Variants in PTPN22 observed in about 807,000 individuals in gnomAD.
PTPN22 encodes the protein protein tyrosine phosphatase non-receptor type 22, also known as tyrosine-protein phosphatase non-receptor type 22.
In PTPN22, 85 loss-of-function variants were observed where a neutral mutation model predicts 103.3. That is an observed-to-expected ratio of 0.82 (90% CI 0.69 to 0.99). The LOEUF is 0.99. PTPN22 is among the 50% of genes least tolerant of loss of function. The pLI is 0.00. For synonymous variants in PTPN22, 323 were observed against 310.2 expected (o/e 1.04, Z -0.43); for missense variants, 865 against 936.9 (o/e 0.92, Z 1.00).
intron 13 of PTPN22, among the ~76,000 whole-genome samples, chr1:113,836,250 G>C (rs921591583): frequency 6.6e-6 from 1 of 152,142 alleles, no homozygotes. Flanking sequence ...CTTGTTCATT[G>C]CTTTCCCTCA....
At chr1:113,838,144 G>T (rs375132611) in exon 13 of PTPN22, 18 of 1,614,084 alleles carry the variant, frequency 1.1e-5, no homozygotes, top group Non-Finnish European at 1.3e-5. Flanking sequence ...AAACAAAAGA[G>T]AGCCCAAATC....
Position 113,858,473 on chromosome 1 carries a change from CT to C in PTPN22, c.369+4del. The C allele has an allele frequency of 6.4e-7, 1 of 1,560,252 alleles. No homozygotes were observed. Among genetic ancestry groups the C allele is most frequent in the Non-Finnish European group, 8.8e-7 (1 of 1,138,986 alleles). ...ATAAAGTAACAAAAGCAACACCATA[CT>C]TACAAGGACACTATATTCCCAAATC... On this transcript the variant is annotated splice_donor_region_variant and intron_variant, in intron 4 of 20. Coordinates refer to ENST00000359785, the Ensembl canonical transcript of PTPN22.
At position 113,851,066 on chromosome 1, in the gene PTPN22, G is replaced by A. The variant is rs147766068; in HGVS notation, c.828+961C>T. 2.2e-3 allele frequency among the ~76,000 whole-genome samples: 342 copies of A among 152,304 alleles called. 4 individuals carry two copies. Among genetic ancestry groups the A allele is most frequent in the African/African-American group, 7.9e-3 (327 of 41,568 alleles). ...AGGCAGTGAGAGATTTGGGCTAGGA[G>A]AAGGGAAGAGCATTCCTAATGGAGT... is the stretch of plus-strand genomic sequence containing the variant. On this transcript the variant is annotated intron_variant, in intron 10 of 20. Transcript: ENST00000359785.
intron 1 of PTPN22, among the ~76,000 whole-genome samples, chr1:113,865,593 T>C (rs866246788): frequency 1.3e-5 from 2 of 152,212 alleles, no homozygotes; most frequent in Admixed American, 6.5e-5. Flanking sequence ...AGATGATAAA[T>C]TCATATATTG....
In PTPN22 at chr1:113,838,543, C is replaced by A; in HGVS notation, c.992+1G>T. The A allele has an allele frequency of 2.5e-6, 4 of 1,612,262 alleles. No homozygotes were observed. The highest frequency in any genetic ancestry group is 3.4e-6 in the Non-Finnish European group (4 of 1,179,576). On this transcript the variant is annotated splice_donor_variant, in intron 12 of 20. Coordinates refer to ENST00000359785, the Ensembl canonical transcript of PTPN22. LOFTEE classifies it high-confidence loss of function. Reference sequence around the variant, plus strand: ...ATTTAGATATATAAAATTGTACTCACCTTTTTGGTAAATTAGGAGAATAAG... The same window carrying A: ...ATTTAGATATATAAAATTGTACTCAACTTTTTGGTAAATTAGGAGAATAAG...
chr1:113,846,463 GAAC>G (rs1386149291), intron 11 of PTPN22, among the ~76,000 whole-genome samples: 1 of 152,074 alleles, frequency 6.6e-6, no homozygotes, highest in Non-Finnish European at 1.5e-5. Context: ...AATACATTTA[GAAC>G]AACATCAGTC....
intron 1 of PTPN22, among the ~76,000 whole-genome samples, chr1:113,863,379 C>T (rs979702162): frequency 6.6e-6 from 1 of 152,214 alleles, no homozygotes; most frequent in Admixed American, 6.5e-5. Flanking sequence ...AGGCGTGAGC[C>T]GCTGCGCTCA....
chr1:113,832,691 T>C (rs1486560283), intron 16 of PTPN22, among the ~76,000 whole-genome samples: 2 of 152,244 alleles, frequency 1.3e-5, no homozygotes, highest in Non-Finnish European at 2.9e-5. Flanking sequence ...TACCTGGAAG[T>C]GCCCAATAAA....
intron 15 of PTPN22, among the ~76,000 whole-genome samples, chr1:113,833,955 A>G (rs1178181020): frequency 6.6e-6 from 1 of 152,248 alleles, no homozygotes; most frequent in Non-Finnish European, 1.5e-5. Flanking sequence ...TTCAAGAATC[A>G]GCTCAAATGT....
chr1:113,857,772 A>G (rs766505671), exon 5 of PTPN22: 34 of 1,610,256 alleles, frequency 2.1e-5, no homozygotes, highest in Non-Finnish European at 2.6e-5. Flanking sequence ...TGCCATAACA[A>G]TGATCTGGGG....
At chr1:113,837,516 G>C (rs1429905185) in intron 13 of PTPN22, 74 bp downstream of exon 13, 3 of 1,049,974 alleles carry the variant, frequency 2.9e-6, no homozygotes, top group Non-Finnish European at 4.2e-6. Context: ...AGAGGGAAGA[G>C]GAGAAGAAAC....
In PTPN22 at chr1:113,864,598, A is replaced by C. The variant is rs551498509; in HGVS notation, c.88-5138T>G. The stretch of plus-strand genomic sequence containing the variant: ...CTACTGCACTCCAGCCTAGATGACC[A>C]AGTGAGGCCCTGTCTCAAAAAAAAA... On this transcript the variant is annotated intron_variant, in intron 1 of 20. Transcript: ENST00000359785. 9.5e-5 allele frequency among the ~76,000 whole-genome samples: 14 copies of C among 146,800 alleles called. No individual in the cohort carries two copies. The South Asian group carries it at 1.1e-3, about 12-fold the overall frequency.
At chr1:113,838,776 C>T (rs56105052) in intron 11 of PTPN22, among the ~76,000 whole-genome samples, 156 bp from the exon 12 acceptor site, 2 of 152,070 alleles carry the variant, frequency 1.3e-5, no homozygotes, top group East Asian at 3.8e-4. Context: ...TTGAACTCAG[C>T]AAGAACTCGT....
chr1:113,840,493 T>C (rs1233570169), intron 11 of PTPN22, among the ~76,000 whole-genome samples: 4 of 152,188 alleles, frequency 2.6e-5, no homozygotes, highest in Non-Finnish European at 5.9e-5. Flanking sequence ...GGCAAAAGAC[T>C]TGTATACTGA....
chr1:113,833,974 T>G (rs1255791618), intron 15 of PTPN22, among the ~76,000 whole-genome samples: 4 of 152,238 alleles, frequency 2.6e-5, no homozygotes, highest in Non-Finnish European at 5.9e-5. Flanking sequence ...GTTTCCTCTT[T>G]CACTAAATCT....
chr1:113,819,134 G>C (rs1428166775), intron 20 of PTPN22, among the ~76,000 whole-genome samples: 3 of 152,172 alleles, frequency 2.0e-5, no homozygotes, highest in Admixed American at 2.0e-4. Flanking sequence ...CTTATACTTA[G>C]GAGCAATTGG....
At chr1:113,853,344 TTTTC>T (rs1280872844) in intron 9 of PTPN22, among the ~76,000 whole-genome samples, 6 of 150,680 alleles carry the variant, frequency 4.0e-5, no homozygotes, top group Non-Finnish European at 7.4e-5. Context: ...TAAATTTTCT[TTTTC>T]TTTCTTTTTT....
intron 11 of PTPN22, among the ~76,000 whole-genome samples, chr1:113,840,069 G>A (rs370193066): frequency 4.6e-5 from 7 of 151,990 alleles, no homozygotes; most frequent in Admixed American, 2.6e-4. Context: ...AAAATTAGCC[G>A]GGCATGTGGT....
At chr1:113,851,926 G>T in intron 10 of PTPN22, 101 bp downstream of exon 10, 1 of 709,072 alleles carries the variant, frequency 1.4e-6, no homozygotes, top group Non-Finnish European at 2.3e-6. Flanking sequence ...ATGGTAAATT[G>T]GTGTTATATC....
Sources: gnomAD v4.1 joint callset for allele counts (sites outside exome capture counted in the v4.1 genomes callset) on GRCh38, gnomAD v4.1.1 for gene constraint, MANE v1.5 for transcripts, NCBI Gene and HGNC (gene_info 2026-07-23, HGNC 2026-07-21) for gene names.